The following BTRC variants were observed in gnomAD, a reference collection of about 807,000 sequenced individuals.
BTRC encodes beta-transducin repeat containing E3 ubiquitin protein ligase.
A neutral mutation model predicts 85.5 loss-of-function variants in BTRC; 42 were observed. That is an observed-to-expected ratio of 0.49 (90% confidence interval 0.38 to 0.64). The LOEUF is 0.64. BTRC is among the 30% of genes least tolerant of loss of function. The pLI, the probability that BTRC is intolerant of heterozygous loss-of-function variation, is 0.00. For synonymous variants in BTRC, 255 were observed against 263.3 expected (o/e 0.97, Z 0.30); for missense variants, 594 against 743.5 (o/e 0.80, Z 2.34).
intron 2 of BTRC, 98 bp downstream of exon 2, chr10:101,430,550 A>C: frequency 1.1e-6 from 1 of 904,850 alleles, no homozygotes; most frequent in Non-Finnish European, 1.7e-6. Context: ...ACTTATATTC[A>C]TCTTTTCTCC....
Position 101,366,778 on chromosome 10 carries a change from A to ATTTTTTTTATATT in BTRC, c.48+12551_48+12552insTTTTTTTATATTT, listed in dbSNP as rs1564729546. Among the ~76,000 whole-genome samples the ATTTTTTTTATATT allele has an allele frequency of 4.2e-3, 459 of 108,112 alleles. 6 individuals carry two copies. Among genetic ancestry groups the ATTTTTTTTATATT allele is most frequent in the Non-Finnish European group, 7.1e-3 (400 of 56,006 alleles). 70.9% of individuals were successfully genotyped at this position (108,112 alleles called of 152,430 possible). A position where few individuals can be genotyped will look rare whatever the true frequency, so the allele number is the denominator to read the frequency against. Reference sequence around the variant, plus strand: ...GGACTTAATCTAGTTATATATATATATATATATATATTTTTACATTTATAT... The same window carrying ATTTTTTTTATATT: ...GGACTTAATCTAGTTATATATATATATTTTTTTTATATTTATATATATATTTTTACATTTATAT... On this transcript the variant is annotated intron_variant, in intron 1 of 14. Coordinates refer to ENST00000370187, the MANE Select transcript of BTRC (RefSeq NM_033637.4).
chr10:101,446,415 A>G (rs2134126365), intron 2 of BTRC, among the ~76,000 whole-genome samples: 1 of 152,252 alleles, frequency 6.6e-6, no homozygotes, highest in African/African-American at 2.4e-5. Flanking sequence ...TTTTCCTCCC[A>G]AAGAAGCAAA....
chr10:101,381,702 CAT>C (rs959713342), intron 1 of BTRC, among the ~76,000 whole-genome samples: 5 of 152,156 alleles, frequency 3.3e-5, no homozygotes, highest in African/African-American at 1.2e-4. Context: ...GATGATAACT[CAT>C]ATATCCCTCA....
Position 101,533,068 on chromosome 10 carries a change from C to A in BTRC, c.1095C>A (p.Val365=). 3 of 1,603,132 alleles carry A rather than the reference C, an allele frequency of 1.9e-6. No homozygotes were observed. In the South Asian group the frequency reaches 3.3e-5, roughly 18 times the overall value. Residue 365 remains valine (V), a splice_region_variant and synonymous_variant, in exon 9 of 15, where the codon GTC becomes GTA. Coordinates refer to ENST00000370187, the MANE Select transcript of BTRC (RefSeq NM_033637.4). ...VIITGSSDST[V]RVWDVNTGEM... ...TAACAGGATCATCGGATTCCACGGT[C>A]AGGTAGAAAATTTCAAATGCTTTTT...
rs1378356108 is a variant in BTRC, at chr10:101,556,059, T to C, written c.*2936T>C. The C allele has an allele frequency of 1.3e-5, 2 of 152,240 alleles. No individual in the cohort carries two copies. Among genetic ancestry groups the C allele is most frequent in the African/African-American group, 2.4e-5 (1 of 41,460 alleles). 9.4% of individuals were successfully genotyped at this position (152,240 alleles called of 1,614,324 possible). On this transcript the variant is annotated 3_prime_UTR_variant, in exon 15 of 15. Transcript: ENST00000370187. Reference sequence around the variant, plus strand: ...GTACATGTCCCTTGGCAAAATTCTTTCTGGTGTCTCCTAACTTCAGAGACA... The same window carrying C: ...GTACATGTCCCTTGGCAAAATTCTTCCTGGTGTCTCCTAACTTCAGAGACA...
At chr10:101,361,894 G>A (rs1346814283) in intron 1 of BTRC, among the ~76,000 whole-genome samples, 2 of 152,194 alleles carry the variant, frequency 1.3e-5, no homozygotes, top group Non-Finnish European at 2.9e-5. Context: ...AAGCAAGGGA[G>A]CAAAAGCCCT....
chr10:101,470,321 T>TTTTC (rs1945485688), intron 3 of BTRC, among the ~76,000 whole-genome samples: 1 of 147,022 alleles, frequency 6.8e-6, no homozygotes, highest in South Asian at 2.1e-4. Flanking sequence ...GTTTACCAAT[T>TTTTC]TTTCTTTCTT....
chr10:101,402,645 G>T (rs145817606), intron 1 of BTRC, among the ~76,000 whole-genome samples: 1 of 152,122 alleles, frequency 6.6e-6, no homozygotes, highest in Admixed American at 6.5e-5. Flanking sequence ...TTGCTGTAAG[G>T]TAGTTAGAAA....
rs1220174255 is a variant in BTRC at position 101,522,423 on chromosome 10, T to C, written c.556+553T>C. On this transcript the variant is annotated intron_variant, in intron 5 of 14. Transcript: ENST00000370187. ...AATAAAGACTCCTTTTTTTTTTTTTTTTTTTTTTTTTTTTGAGACAAAGTC... is the reference window on the plus strand; with the variant it reads ...AATAAAGACTCCTTTTTTTTTTTTTCTTTTTTTTTTTTTTGAGACAAAGTC... Among the ~76,000 whole-genome samples, 29 of 95,290 alleles carry C rather than the reference T, an allele frequency of 3.0e-4. 2 individuals carry two copies. The highest frequency in any genetic ancestry group is 9.7e-4 in the African/African-American group (27 of 27,954). 62.5% of individuals were successfully genotyped at this position (95,290 alleles called of 152,430 possible). A position where few individuals can be genotyped will look rare whatever the true frequency, so the allele number is the denominator to read the frequency against.
At chr10:101,375,506 T>C (rs1564735561) in intron 1 of BTRC, among the ~76,000 whole-genome samples, 1 of 152,202 alleles carries the variant, frequency 6.6e-6, no homozygotes, top group Non-Finnish European at 1.5e-5. Context: ...AATGGACTCA[T>C]ATACAAGGGT....
intron 4 of BTRC, among the ~76,000 whole-genome samples, chr10:101,496,509 GGCCTCAGGCAGTCCTCTT>G (rs1946264876): frequency 6.6e-6 from 1 of 152,078 alleles, no homozygotes; most frequent in Admixed American, 6.5e-5. Flanking sequence ...TCGAGCTCCT[GGCCTCAGGCAGTCCTCTT>G]GCCTCAGCCT....
At position 101,532,292 on chromosome 10, in the gene BTRC, C is replaced by G; in HGVS notation, c.841-3C>G. The G allele has an allele frequency of 6.2e-7, 1 of 1,606,544 alleles. No individual in the cohort carries two copies. Among genetic ancestry groups the G allele is most frequent in the Non-Finnish European group, 8.5e-7 (1 of 1,177,346 alleles). ...CTGCCTCTTTCCCATTCCTTCTTCT[C>G]AGACAATAGAATCTAATTGGAGATG... is the stretch of plus-strand genomic sequence containing the variant. On this transcript the variant is annotated splice_polypyrimidine_tract_variant and splice_region_variant and intron_variant, in intron 7 of 14. Coordinates refer to ENST00000370187, the MANE Select transcript of BTRC (RefSeq NM_033637.4).
Position 101,521,689 on chromosome 10 carries a change from A to G in BTRC, c.375A>G (p.Lys125=), listed in dbSNP as rs748875054. 11 of 1,614,198 alleles carry G rather than the reference A, an allele frequency of 6.8e-6. No individual in the cohort carries two copies. In the South Asian group the frequency reaches 1.2e-4, roughly 18 times the overall value. ...GTATGATTGTGCCCAAGCAACGGAA[A>G]CTCTCAGCAAGCTATGAAAAGGAAA... ...TSSMIVPKQR[K]LSASYEKEKE... is the part of the protein sequence containing the mutation. The change falls in exon 5 of 15, where the codon AAA becomes AAG. Residue 125 remains lysine (K), a synonymous_variant. Coordinates refer to ENST00000370187, the MANE Select transcript of BTRC (RefSeq NM_033637.4).
At chr10:101,366,473 G>A (rs1466934396) in intron 1 of BTRC, among the ~76,000 whole-genome samples, 1 of 151,596 alleles carries the variant, frequency 6.6e-6, no homozygotes, top group African/African-American at 2.4e-5. Context: ...TAAGAGAGGC[G>A]ACAGGAAAAA....
At chr10:101,525,430 T>TGGACC in intron 5 of BTRC, among the ~76,000 whole-genome samples, 1 of 152,224 alleles carries the variant, frequency 6.6e-6, no homozygotes, top group South Asian at 2.1e-4. Context: ...AACTTAAACA[T>TGGACC]ACATCTCTGT....
chr10:101,409,779 T>C (rs1264538296), intron 1 of BTRC, among the ~76,000 whole-genome samples: 1 of 152,246 alleles, frequency 6.6e-6, no homozygotes, highest in African/African-American at 2.4e-5. Flanking sequence ...GTGCAGTGCG[T>C]GAGTTACCAG....
At chr10:101,378,845 C>T (rs1473679849) in intron 1 of BTRC, among the ~76,000 whole-genome samples, 1 of 152,088 alleles carries the variant, frequency 6.6e-6, no homozygotes, top group Non-Finnish European at 1.5e-5. Context: ...CATGGGAAAA[C>T]ATCCGCTTTG....
chr10:101,551,594 T>A (rs1167677441), intron 14 of BTRC, among the ~76,000 whole-genome samples: 1 of 152,218 alleles, frequency 6.6e-6, no homozygotes, highest in Non-Finnish European at 1.5e-5. Context: ...GTTACCAGTT[T>A]GAGAAGGCTG....
intron 12 of BTRC, among the ~76,000 whole-genome samples, chr10:101,536,949 T>TG (rs2062396025): frequency 6.6e-6 from 1 of 152,236 alleles, no homozygotes; most frequent in African/African-American, 2.4e-5. Flanking sequence ...AAAAACCCAG[T>TG]GTTAACAGGC....
Sources: allele counts gnomAD v4.1 joint callset (sites outside exome capture counted in the v4.1 genomes callset), GRCh38; gene constraint gnomAD v4.1.1; transcripts MANE v1.5; gene names NCBI Gene and HGNC (gene_info 2026-07-23, HGNC 2026-07-21).